Variants in FRMD4B observed in about 807,000 individuals in gnomAD.
FRMD4B encodes the protein FERM domain-containing protein 4B.
Under a neutral mutation model 141.5 loss-of-function variants are expected in FRMD4B, and 74 were observed. The ratio of observed to expected loss-of-function variants is 0.52; its 90% CI spans 0.43 to 0.63. The LOEUF (loss-of-function observed/expected upper bound fraction) is 0.63, where lower values mean the gene tolerates loss of function less well. FRMD4B is among the 30% of genes least tolerant of loss of function. FRMD4B has a pLI of 0.00. For synonymous variants in FRMD4B, 506 were observed against 467.9 expected (o/e 1.08, Z -1.05); for missense variants, 1,366 against 1,253.4 (o/e 1.09, Z -1.36).
rs111800294 is a variant in FRMD4B, at chr3:69,319,274, T to C, written c.163-5757A>G. On this transcript the variant is annotated intron_variant, in intron 1 of 22. Coordinates refer to ENST00000398540, the MANE Select transcript of FRMD4B (RefSeq NM_015123.3). ...GAAATTACTTGACCTTTCTGAGCCTTATAAGAAATGTCCTGACAGCATTTA... is the reference window on the plus strand; with the variant it reads ...GAAATTACTTGACCTTTCTGAGCCTCATAAGAAATGTCCTGACAGCATTTA... Among the ~76,000 whole-genome samples the C allele has an allele frequency of 9.2e-5, 14 of 152,306 alleles. 1 individual carries two copies. Among genetic ancestry groups the C allele is most frequent in the African/African-American group, 3.1e-4 (13 of 41,568 alleles).
intron 17 of FRMD4B, among the ~76,000 whole-genome samples, chr3:69,191,319 C>A (rs1015555637): frequency 6.6e-6 from 1 of 152,134 alleles, no homozygotes; most frequent in Non-Finnish European, 1.5e-5. Context: ...ATTTGGGAGG[C>A]TGAGGCAGGA....
intron 1 of FRMD4B, among the ~76,000 whole-genome samples, chr3:69,448,852 A>G (rs1242264973): frequency 6.6e-6 from 1 of 152,196 alleles, no homozygotes; most frequent in African/African-American, 2.4e-5. Flanking sequence ...TTTTTTCTTT[A>G]GTGTATATTC....
intron 1 of FRMD4B, among the ~76,000 whole-genome samples, chr3:69,371,090 C>T (rs1390512783): frequency 1.3e-5 from 2 of 151,710 alleles, no homozygotes; most frequent in Non-Finnish European, 2.9e-5. Flanking sequence ...AAAAATAAAG[C>T]AGGCTAAGAC....
chr3:69,464,029 A>G (rs1399452972), intron 1 of FRMD4B, among the ~76,000 whole-genome samples: 1 of 152,194 alleles, frequency 6.6e-6, no homozygotes, highest in East Asian at 1.9e-4. Flanking sequence ...ACCTTGATCC[A>G]TTTGGAAAAG....
chr3:69,243,654 A>G (rs2093404210), intron 7 of FRMD4B, among the ~76,000 whole-genome samples: 1 of 152,244 alleles, frequency 6.6e-6, no homozygotes, highest in Middle Eastern at 3.2e-3. Context: ...CAGCAATGTA[A>G]CAATCTCTTT....
At chr3:69,494,319 A>G (rs1166771000) in intron 1 of FRMD4B, among the ~76,000 whole-genome samples, 1 of 152,234 alleles carries the variant, frequency 6.6e-6, no homozygotes, top group Non-Finnish European at 1.5e-5. Flanking sequence ...ATTGGGCACG[A>G]GATCCAGCTC....
Position 69,302,389 on chromosome 3 carries a change from C to A in FRMD4B, c.370G>T (p.Asp124Tyr), listed in dbSNP as rs373458691. The A allele has an allele frequency of 1.9e-6, 3 of 1,609,560 alleles. No individual in the cohort carries two copies. Among genetic ancestry groups the A allele is most frequent in the Non-Finnish European group, 2.5e-6 (3 of 1,177,364 alleles). Residue 124 changes from aspartate (D) to tyrosine (Y), a missense_variant, in exon 4 of 23, where the codon GAT becomes TAT. Transcript: ENST00000398540. ...GTTGGGCCTGGTTTCTTGGGCAAAT[C>A]GTGGTCAAGAACTCGGTGATCTAAC... ...LQLDHRVLDH[D>Y]LPKKPGPTIL...
chr3:69,196,781 C>A, intron 13 of FRMD4B, 119 bp downstream of exon 13: 1 of 720,880 alleles, frequency 1.4e-6, no homozygotes, highest in Non-Finnish European at 2.2e-6. Context: ...GGAAGTTAAA[C>A]GCAAAAAAAT....
intron 5 of FRMD4B, among the ~76,000 whole-genome samples, chr3:69,285,449 T>C (rs937864581): frequency 6.7e-6 from 1 of 149,334 alleles, no homozygotes; most frequent in African/African-American, 2.5e-5. Context: ...GTTTCCGAAT[T>C]TGATGACAAC....
chr3:69,249,278 T>C (rs1201474498), intron 6 of FRMD4B, 30 bp from the exon 7 acceptor site: 1 of 1,462,162 alleles, frequency 6.8e-7, no homozygotes, highest in African/African-American at 1.4e-5. Context: ...ACAGAGTTGA[T>C]CAATATGTAT....
intron 1 of FRMD4B, among the ~76,000 whole-genome samples, chr3:69,438,927 T>A (rs1447804943): frequency 6.6e-6 from 1 of 152,168 alleles, no homozygotes; most frequent in African/African-American, 2.4e-5. Flanking sequence ...CATCCTGTCT[T>A]TACTCTTTTA....
intron 1 of FRMD4B, among the ~76,000 whole-genome samples, chr3:69,326,728 T>C (rs1291625819): frequency 6.6e-6 from 1 of 152,176 alleles, no homozygotes; most frequent in East Asian, 1.9e-4. Flanking sequence ...AAAATCAGGG[T>C]ATATATCTAC....
At chr3:69,422,684 C>T (rs75778488) in intron 2 of FRMD4B, among the ~76,000 whole-genome samples, 1,584 of 152,228 alleles carry the variant, frequency 0.01, 26 homozygotes, top group African/African-American at 0.036. Context: ...TAAGCAAATG[C>T]GCATGGCTTT....
At chr3:69,276,838 G>A (rs2106964936) in intron 5 of FRMD4B, among the ~76,000 whole-genome samples, 1 of 152,304 alleles carries the variant, frequency 6.6e-6, no homozygotes, top group Non-Finnish European at 1.5e-5. Context: ...GGCGGCACGT[G>A]CCTGTAGTCC....
At chr3:69,449,218 T>C (rs774358538) in intron 1 of FRMD4B, among the ~76,000 whole-genome samples, 2 of 152,206 alleles carry the variant, frequency 1.3e-5, no homozygotes, top group Non-Finnish European at 2.9e-5. Context: ...ACCTCCATAC[T>C]GCACAACCAC....
At chr3:69,323,979 A>G (rs1393486447) in intron 1 of FRMD4B, among the ~76,000 whole-genome samples, 1 of 152,128 alleles carries the variant, frequency 6.6e-6, no homozygotes, top group African/African-American at 2.4e-5. Context: ...GACTCACCAA[A>G]CCAGAGTTGG....
Position 69,446,247 on chromosome 3 carries a change from C to T in FRMD4B, c.-128-13486G>A, listed in dbSNP as rs117204421. 5.8e-3 allele frequency among the ~76,000 whole-genome samples: 889 copies of T among 152,082 alleles called. 34 individuals carry two copies. In the East Asian group the frequency reaches 0.098, roughly 17 times the overall value. ...TTCCTCATGTTGGTTAAGCTGGTCT[C>T]GAACTCCTGACTTAATGATCTGCCC... is the stretch of plus-strand genomic sequence containing the variant. On this transcript the variant is annotated intron_variant, in intron 1 of 5. Transcript: ENST00000459638.
intron 1 of FRMD4B, among the ~76,000 whole-genome samples, chr3:69,538,555 T>TA (rs1038737610): frequency 6.6e-6 from 1 of 151,940 alleles, no homozygotes; most frequent in African/African-American, 2.4e-5. Flanking sequence ...TTGTTATACC[T>TA]AAAAAAAATT....
intron 1 of FRMD4B, among the ~76,000 whole-genome samples, chr3:69,354,145 A>G (rs915918879): frequency 2.0e-5 from 3 of 152,212 alleles, no homozygotes; most frequent in Non-Finnish European, 4.4e-5. Flanking sequence ...CAACCTTAGT[A>G]AAATCAATCA....
Sources: gnomAD v4.1 joint callset for allele counts (sites outside exome capture counted in the v4.1 genomes callset) on GRCh38, gnomAD v4.1.1 for gene constraint, MANE v1.5 for transcripts, NCBI Gene and HGNC (gene_info 2026-07-23, HGNC 2026-07-21) for gene names.